Variants in ARMC2 observed in about 807,000 individuals in gnomAD.
ARMC2 encodes armadillo repeat-containing protein 2.
In ARMC2, 67 loss-of-function variants were observed where a neutral mutation model predicts 90.3. The ratio of observed to expected loss-of-function variants is 0.74; its 90% CI spans 0.61 to 0.91. ARMC2 has a LOEUF of 0.91. ARMC2 is among the 40% of genes least tolerant of loss of function. ARMC2 has a pLI of 0.00. For missense variants in ARMC2, 920 were observed against 1,030.9 expected (o/e 0.89, Z 1.47); for synonymous variants, 393 against 393.0 (o/e 1.00, Z 0.00).
the ARMC2 span, among the ~76,000 whole-genome samples, chr6:109,033,221 A>G: frequency 6.6e-6 from 1 of 152,218 alleles, no homozygotes; most frequent in Non-Finnish European, 1.5e-5. Flanking sequence ...AAGAGAGTGC[A>G]GTGGTCTGGT....
downstream of ARMC2, among the ~76,000 whole-genome samples, chr6:108,976,607 T>A (rs1479478913): frequency 2.0e-5 from 3 of 152,182 alleles, no homozygotes; most frequent in Non-Finnish European, 4.4e-5. Context: ...GTATGGCCAT[T>A]TTGACGATAT....
chr6:108,931,548 T>TG (rs1775563843), intron 11 of ARMC2, among the ~76,000 whole-genome samples: 1 of 152,022 alleles, frequency 6.6e-6, no homozygotes, highest in Non-Finnish European at 1.5e-5. Context: ...CAACAGTGTA[T>TG]GAGTGTTCTC....
the ARMC2 span, among the ~76,000 whole-genome samples, chr6:109,046,344 C>T: frequency 1.3e-5 from 2 of 151,822 alleles, no homozygotes; most frequent in African/African-American, 4.8e-5. Context: ...CTTGGCCTCC[C>T]GAGGTGCCGG....
the ARMC2 span, among the ~76,000 whole-genome samples, chr6:108,980,958 C>A: frequency 6.6e-6 from 1 of 152,146 alleles, no homozygotes. Flanking sequence ...TGGTTCTAGT[C>A]TAGGGTTCAT....
At position 108,899,646 on chromosome 6, in the gene ARMC2, C is replaced by T. The variant is rs369183036; in HGVS notation, c.749-48C>T. ...AAAGGCTTTTGACCATGCTTCATGA[C>T]AACTCCTTTTTCATAGCTTTTTCTC... is the stretch of plus-strand genomic sequence containing the variant. On this transcript the variant is annotated intron_variant, in intron 6 of 17. Coordinates refer to ENST00000392644, the MANE Select transcript of ARMC2 (RefSeq NM_032131.6). 8.4e-6 allele frequency: 12 copies of T among 1,423,700 alleles called. No individual in the cohort carries two copies. The African/African-American group carries it at 1.4e-4, about 17-fold the overall frequency. 88.2% of individuals were successfully genotyped at this position (1,423,700 alleles called of 1,614,324 possible). A position where few individuals can be genotyped will look rare whatever the true frequency, so the allele number is the denominator to read the frequency against.
the ARMC2 span, among the ~76,000 whole-genome samples, chr6:109,052,348 A>G: frequency 6.6e-6 from 1 of 152,312 alleles, no homozygotes; most frequent in South Asian, 2.1e-4. Context: ...GTAAAAGTGA[A>G]GACTATATTG....
the ARMC2 span, among the ~76,000 whole-genome samples, chr6:109,025,042 G>A: frequency 2.0e-5 from 3 of 152,144 alleles, no homozygotes; most frequent in East Asian, 5.8e-4. Context: ...CAGGGACCTA[G>A]AGCAGCAGCA....
At chr6:108,999,515 A>G in the ARMC2 span, among the ~76,000 whole-genome samples, 1 of 152,156 alleles carries the variant, frequency 6.6e-6, no homozygotes, top group Admixed American at 6.5e-5. Flanking sequence ...CTATTAATAA[A>G]TAGAACCAGA....
rs1773537066 is a variant in ARMC2, at chr6:108,912,448, A to G, written c.1240A>G (p.Met414Val). 4 of 1,613,822 alleles carry G rather than the reference A, an allele frequency of 2.5e-6. No homozygotes were observed. Among genetic ancestry groups the G allele is most frequent in the Non-Finnish European group, 3.4e-6 (4 of 1,179,800 alleles). The change falls in exon 10 of 18, where the codon ATG becomes GTG. Residue 414 changes from methionine to valine, a missense_variant. Transcript: ENST00000392644. ...ISGNLGFLNE[M>V]ISKGAVEILI... ...TGGAAATCTGGGATTTCTTAATGAA[A>G]TGATCAGCAAAGGTGCTGTGGAAAT... is the stretch of plus-strand genomic sequence containing the variant.
intron 6 of ARMC2, among the ~76,000 whole-genome samples, chr6:108,896,481 G>A (rs539437746): frequency 1.3e-5 from 2 of 152,258 alleles, no homozygotes; most frequent in South Asian, 2.1e-4. Context: ...CAGGGATTGT[G>A]TATAAAATGG....
At chr6:108,876,666 A>T (rs1169546612) in intron 5 of ARMC2, among the ~76,000 whole-genome samples, 1 of 152,122 alleles carries the variant, frequency 6.6e-6, no homozygotes, top group African/African-American at 2.4e-5. Flanking sequence ...TTTGTATGTT[A>T]TTTGGGATTC....
the ARMC2 span, among the ~76,000 whole-genome samples, chr6:109,029,685 C>G: frequency 6.6e-6 from 1 of 152,158 alleles, no homozygotes; most frequent in South Asian, 2.1e-4. Flanking sequence ...AGGTGCATGC[C>G]ACCACACCCA....
intron 5 of ARMC2, among the ~76,000 whole-genome samples, chr6:108,893,533 C>A (rs1771302970): frequency 6.6e-6 from 1 of 152,160 alleles, no homozygotes; most frequent in Non-Finnish European, 1.5e-5. Flanking sequence ...CTTTTGTAAT[C>A]CAAGCATCCC....
the ARMC2 span, among the ~76,000 whole-genome samples, chr6:108,997,945 G>A: frequency 6.6e-6 from 1 of 152,118 alleles, no homozygotes; most frequent in Non-Finnish European, 1.5e-5. Flanking sequence ...TAAAAGCCAG[G>A]AACAGAAGGA....
intron 8 of ARMC2, among the ~76,000 whole-genome samples, chr6:108,907,035 G>A (rs571767765): frequency 3.9e-5 from 6 of 152,188 alleles, no homozygotes; most frequent in Non-Finnish European, 7.4e-5. Flanking sequence ...ATAATTTTAC[G>A]GTTAACAATG....
intron 10 of ARMC2, among the ~76,000 whole-genome samples, chr6:108,921,060 A>G (rs537098209): frequency 6.6e-6 from 1 of 152,304 alleles, no homozygotes; most frequent in East Asian, 1.9e-4. Context: ...TTGTGGCAGT[A>G]AGGAAATGTC....
rs1308701589 is a variant in ARMC2, at chr6:108,953,175, C to T, written c.1739C>T (p.Ser580Phe). 2.5e-6 allele frequency: 4 copies of T among 1,613,964 alleles called. No individual in the cohort carries two copies. In the African/African-American group the frequency reaches 5.3e-5, roughly 22 times the overall value. The change falls in exon 13 of 18, where the codon TCC becomes TTC. Residue 580 changes from serine to phenylalanine, a missense_variant. Coordinates refer to ENST00000392644, the MANE Select transcript of ARMC2 (RefSeq NM_032131.6). ...ACGTTCCATCAGCTGGATCTGCATT[C>T]CCAGAAGCCGGTGGGCCAACGAGGC... The part of the protein sequence containing the change: ...FQTFHQLDLH[S>F]QKPVGQRGEQ...
chr6:108,994,935 A>C, the ARMC2 span, among the ~76,000 whole-genome samples: 13 of 151,978 alleles, frequency 8.6e-5, no homozygotes, highest in African/African-American at 3.1e-4. Flanking sequence ...CGATCTCCTG[A>C]CCTTGTGATC....
intron 12 of ARMC2, among the ~76,000 whole-genome samples, chr6:108,944,346 C>T (rs1424138061): frequency 6.6e-6 from 1 of 152,176 alleles, no homozygotes; most frequent in Non-Finnish European, 1.5e-5. Flanking sequence ...CAGGATGGTA[C>T]ATTAGTCTTT....
Sources: allele counts gnomAD v4.1 joint callset (sites outside exome capture counted in the v4.1 genomes callset), GRCh38; gene constraint gnomAD v4.1.1; transcripts MANE v1.5; gene names NCBI Gene and HGNC (gene_info 2026-07-23, HGNC 2026-07-21).